FSTL4: variants seen among roughly 807,000 people sequenced by gnomAD.
FSTL4 encodes follistatin like 4.
FSTL4 carries 28 observed loss-of-function variants against 78.2 expected under a neutral mutation model. The ratio of observed to expected loss-of-function variants is 0.36; its 90% CI spans 0.27 to 0.49. The LOEUF is 0.49. FSTL4 is among the 20% of genes least tolerant of loss of function. The pLI, the probability that FSTL4 is intolerant of heterozygous loss-of-function variation, is 0.98. For missense variants in FSTL4, 922 were observed against 1,084.9 expected (o/e 0.85, Z 2.11); for synonymous variants, 422 against 440.5 (o/e 0.96, Z 0.53).
chr5:133,510,374 A>C (rs957474913), intron 3 of FSTL4, among the ~76,000 whole-genome samples: 1 of 152,158 alleles, frequency 6.6e-6, no homozygotes, highest in African/African-American at 2.4e-5. Flanking sequence ...GCTCCTGCTT[A>C]TTTCTATATA....
intron 6 of FSTL4, among the ~76,000 whole-genome samples, chr5:133,301,413 T>C (rs1753536011): frequency 6.6e-6 from 1 of 152,174 alleles, no homozygotes; most frequent in Admixed American, 6.5e-5. Context: ...CTGCAGTGTT[T>C]GCTGGGAAGC....
intron 4 of FSTL4, among the ~76,000 whole-genome samples, chr5:133,342,475 G>A (rs1754603417): frequency 6.6e-6 from 1 of 152,200 alleles, no homozygotes; most frequent in Non-Finnish European, 1.5e-5. Context: ...GCAGTGAGGA[G>A]GCAAGCTGTC....
chr5:133,277,683 GC>G (rs1752913411), intron 6 of FSTL4, among the ~76,000 whole-genome samples: 1 of 152,160 alleles, frequency 6.6e-6, no homozygotes, highest in African/African-American at 2.4e-5. Flanking sequence ...GACCTGACTT[GC>G]CCCTTGGGGT....
chr5:133,508,894 T>C (rs1225644216), intron 3 of FSTL4, among the ~76,000 whole-genome samples: 1 of 152,234 alleles, frequency 6.6e-6, no homozygotes, highest in Non-Finnish European at 1.5e-5. Flanking sequence ...TTCATCTTAC[T>C]CTTATATAAG....
rs895074385 is a variant in FSTL4, at chr5:133,359,098, C to T, written c.409+41640G>A. On this transcript the variant is annotated intron_variant, in intron 4 of 15. Coordinates refer to ENST00000265342, the MANE Select transcript of FSTL4 (RefSeq NM_015082.2). The stretch of plus-strand genomic sequence containing the variant: ...CCATTGGCCGCTCTTCTAGCTAGAG[C>T]GTGATGTGTAACAATGCATAGGATT... Among the ~76,000 whole-genome samples, 8 of 152,176 alleles carry T rather than the reference C, an allele frequency of 5.3e-5. No homozygotes were observed. In the East Asian group the frequency reaches 5.8e-4, roughly 11 times the overall value.
the FSTL4 span, among the ~76,000 whole-genome samples, chr5:133,769,924 C>T: frequency 0.027 from 4,115 of 152,186 alleles, 150 homozygotes; most frequent in African/African-American, 0.085. Flanking sequence ...ACCCATTGTT[C>T]AGCTCTCACT....
intron 6 of FSTL4, among the ~76,000 whole-genome samples, chr5:133,271,865 C>T (rs894507037): frequency 1.3e-5 from 2 of 152,158 alleles, no homozygotes; most frequent in Non-Finnish European, 2.9e-5. Context: ...GGCACCTGCA[C>T]GGTGCTGGGT....
chr5:133,561,974 G>A (rs762305322), intron 3 of FSTL4, among the ~76,000 whole-genome samples: 51 of 152,170 alleles, frequency 3.4e-4, no homozygotes, highest in African/African-American at 1.2e-3. Context: ...TTTCTGTGAG[G>A]TTGGGAGACA....
the FSTL4 span, among the ~76,000 whole-genome samples, chr5:133,774,924 G>A: frequency 6.6e-6 from 1 of 152,096 alleles, no homozygotes; most frequent in African/African-American, 2.4e-5. Context: ...TGACACATAA[G>A]TGAAGTTTCT....
chr5:133,300,599 G>A (rs1001346930), intron 6 of FSTL4, among the ~76,000 whole-genome samples: 1 of 152,178 alleles, frequency 6.6e-6, no homozygotes, highest in Non-Finnish European at 1.5e-5. Flanking sequence ...ATTTACCGAG[G>A]GATGGGTGTT....
At chr5:133,470,883 A>G (rs1386065413) in intron 3 of FSTL4, among the ~76,000 whole-genome samples, 1 of 152,024 alleles carries the variant, frequency 6.6e-6, no homozygotes, top group Non-Finnish European at 1.5e-5. Context: ...AGAATTTTCC[A>G]GAATATAGAA....
intron 2 of FSTL4, among the ~76,000 whole-genome samples, chr5:133,593,958 A>G (rs150188750): frequency 1.5e-3 from 229 of 151,048 alleles, no homozygotes; most frequent in Non-Finnish European, 2.4e-3. Flanking sequence ...TTTCTCTTCA[A>G]CCACTTAGCC....
chr5:133,833,059 C>A, the FSTL4 span, among the ~76,000 whole-genome samples: 1 of 152,166 alleles, frequency 6.6e-6, no homozygotes, highest in Non-Finnish European at 1.5e-5. Flanking sequence ...CCATAATTGA[C>A]CAACCCCTGC....
the FSTL4 span, among the ~76,000 whole-genome samples, chr5:133,648,035 G>A: frequency 4.6e-5 from 7 of 152,214 alleles, no homozygotes; most frequent in Admixed American, 1.3e-4. Context: ...TGCCATCCAC[G>A]GAACATGTGA....
chr5:133,290,659 C>T (rs182669224), intron 6 of FSTL4, among the ~76,000 whole-genome samples: 2 of 152,356 alleles, frequency 1.3e-5, no homozygotes, highest in African/African-American at 4.8e-5. Flanking sequence ...GCAGGAACCA[C>T]AGCAGAGGGT....
At chr5:133,393,019 A>T (rs1373385726) in intron 4 of FSTL4, among the ~76,000 whole-genome samples, 1 of 152,182 alleles carries the variant, frequency 6.6e-6, no homozygotes, top group Non-Finnish European at 1.5e-5. Context: ...CTTGCATAAA[A>T]CCTGGAGGAA....
the FSTL4 span, among the ~76,000 whole-genome samples, chr5:133,772,856 C>T: frequency 6.6e-6 from 1 of 152,114 alleles, no homozygotes; most frequent in African/African-American, 2.4e-5. Flanking sequence ...CTGAGGGACA[C>T]ACACAAACCA....
the FSTL4 span, among the ~76,000 whole-genome samples, chr5:133,800,618 G>T: frequency 7.3e-6 from 1 of 137,734 alleles, no homozygotes; most frequent in South Asian, 2.3e-4. Flanking sequence ...CCCTCCCCCT[G>T]CAAATGACCA....
intron 3 of FSTL4, among the ~76,000 whole-genome samples, chr5:133,463,207 C>G (rs1375632583): frequency 1.3e-5 from 2 of 152,184 alleles, no homozygotes; most frequent in South Asian, 4.1e-4. Context: ...AAATTTTAGT[C>G]AGGCTTTTTT....
Sources: gnomAD v4.1 joint callset for allele counts (sites outside exome capture counted in the v4.1 genomes callset) on GRCh38, gnomAD v4.1.1 for gene constraint, MANE v1.5 for transcripts, NCBI Gene and HGNC (gene_info 2026-07-23, HGNC 2026-07-21) for gene names.